The following GRIK2 variants were observed in gnomAD, a reference collection of about 807,000 sequenced individuals.
GRIK2 encodes the protein glutamate receptor ionotropic, kainate 2.
In GRIK2, 32 loss-of-function variants were observed where a neutral mutation model predicts 100.3. The observed-to-expected ratio is 0.32, with a 90% CI of 0.24 to 0.43. The LOEUF (loss-of-function observed/expected upper bound fraction) is 0.43. GRIK2 is among the 20% of genes least tolerant of loss of function. The probability of loss-of-function intolerance (pLI) is 1.00; values close to 1 mark genes in which losing one functional copy is unlikely to be tolerated. For synonymous variants in GRIK2, 417 were observed against 389.4 expected, an observed-to-expected ratio of 1.07 and a Z score of -0.83; for missense variants, 843 against 1,114.9, an observed-to-expected ratio of 0.76 and a Z score of 3.47.
chr6:101,574,122 T>C (rs1373927904), intron 2 of GRIK2, among the ~76,000 whole-genome samples: 3 of 151,114 alleles, frequency 2.0e-5, no homozygotes, highest in Admixed American at 6.6e-5. Flanking sequence ...TCATGATACA[T>C]AAAATGGAAG....
At chr6:101,676,595 C>G (rs772331961) in intron 4 of GRIK2, 28 bp from the exon 5 acceptor site, 1 of 841,730 alleles carries the variant, frequency 1.2e-6, no homozygotes, top group East Asian at 4.7e-5. Context: ...CTCTAATATT[C>G]TTTTTTTTTT....
intron 7 of GRIK2, among the ~76,000 whole-genome samples, chr6:101,713,811 T>C (rs1342967811): frequency 6.6e-6 from 1 of 151,788 alleles, no homozygotes; most frequent in Non-Finnish European, 1.5e-5. Context: ...CATATCTCTA[T>C]ACTGAAGCAA....
chr6:101,505,191 C>G lies in GRIK2; in HGVS notation c.115+105799C>G, dbSNP rs542556447. Among the ~76,000 whole-genome samples the G allele has an allele frequency of 2.6e-5, 4 of 151,894 alleles. No homozygotes were observed. In the South Asian group the frequency reaches 8.3e-4, roughly 32 times the overall value. ...TCACTCACATTGTTCAATTATCATA[C>G]ATTTCTGTTTCATTTTCTTTACCAG... is the stretch of plus-strand genomic sequence containing the variant. On this transcript the variant is annotated intron_variant, in intron 2 of 16. Coordinates refer to ENST00000369134, the MANE Select transcript of GRIK2 (RefSeq NM_021956.5).
rs181291432 is a variant in GRIK2, at chr6:101,851,835, T to C, written c.1318-7452T>C. On this transcript the variant is annotated intron_variant, in intron 10 of 16. Coordinates refer to ENST00000369134, the MANE Select transcript of GRIK2 (RefSeq NM_021956.5). ...TTATGTAATGAACTATTTACAATTT[T>C]ATATTCACATGGAGTTTGGAAATGG... is the stretch of plus-strand genomic sequence containing the variant. Among the ~76,000 whole-genome samples the C allele has an allele frequency of 2.5e-3, 379 of 151,880 alleles. 1 individual carries two copies. The highest frequency in any genetic ancestry group is 8.7e-3 in the African/African-American group (361 of 41,412).
chr6:102,065,950 AC>A (rs753056620), intron 16 of GRIK2: 10 of 1,287,068 alleles, frequency 7.8e-6, no homozygotes, highest in Non-Finnish European at 9.1e-6. Flanking sequence ...GCAACAAGAA[AC>A]ACTGTTTCCA....
rs766942576 is a variant in GRIK2, at chr6:101,924,622, T to A, written c.1770T>A (p.Tyr590Ter). 1 of 1,590,360 alleles carries A rather than the reference T, an allele frequency of 6.3e-7. No homozygotes were observed. Among genetic ancestry groups the A allele is most frequent in the Non-Finnish European group, 8.6e-7 (1 of 1,158,508 alleles). The change falls in exon 13 of 17, where the codon TAT (tyrosine) becomes TAA (stop). Residue 590 changes from tyrosine (Y) to a stop codon, truncating the protein, a stop_gained. Transcript: ENST00000369134. LOFTEE classifies it high-confidence loss of function. ...VIARFSPYEW[Y>*]NPHPCNPDSD... ...ACAGGTTTAGTCCTTATGAGTGGTA[T>A]AATCCACACCCTTGCAACCCTGACT...
chr6:101,928,743 A>T, intron 14 of GRIK2, 111 bp downstream of exon 14: 1 of 659,752 alleles, frequency 1.5e-6, no homozygotes, highest in Non-Finnish European at 2.7e-6. Context: ...CACAATTCTT[A>T]ATAATAGCAT....
rs150501742 is a variant in GRIK2, at chr6:101,725,766, T to C, written c.951+39413T>C. ...CTGGACAGAATTCAAGAGAGTATCA[T>C]TTTGTACTGGTCACTGACAGTCCAA... is the stretch of plus-strand genomic sequence containing the variant. On this transcript the variant is annotated intron_variant, in intron 7 of 16. Transcript: ENST00000369134. 5.3e-4 allele frequency among the ~76,000 whole-genome samples: 80 copies of C among 152,102 alleles called. No homozygotes were observed. In the East Asian group the frequency reaches 8.3e-3, roughly 16 times the overall value.
At chr6:101,815,067 C>G (rs1038967181) in intron 9 of GRIK2, among the ~76,000 whole-genome samples, 1 of 152,100 alleles carries the variant, frequency 6.6e-6, no homozygotes, top group Non-Finnish European at 1.5e-5. Context: ...ACCCGAGTCA[C>G]CTGATGTTAA....
chr6:101,771,688 C>G (rs1240643111), intron 7 of GRIK2, among the ~76,000 whole-genome samples: 3 of 117,248 alleles, frequency 2.6e-5, no homozygotes, highest in African/African-American at 9.6e-5. Context: ...CCCCCTCCCC[C>G]CACCCCACAA....
chr6:102,012,346 T>C (rs1795592712), intron 14 of GRIK2, among the ~76,000 whole-genome samples: 2 of 152,140 alleles, frequency 1.3e-5, no homozygotes, highest in Non-Finnish European at 2.9e-5. Flanking sequence ...TGCCTCTCCA[T>C]ATAAACTTTA....
At chr6:101,779,394 T>G (rs1778942624) in intron 7 of GRIK2, among the ~76,000 whole-genome samples, 1 of 152,218 alleles carries the variant, frequency 6.6e-6, no homozygotes, top group East Asian at 1.9e-4. Context: ...TTAAATATAT[T>G]TGCAGACATT....
intron 14 of GRIK2, among the ~76,000 whole-genome samples, chr6:102,012,893 C>T (rs1795624011): frequency 1.3e-5 from 2 of 152,044 alleles, no homozygotes; most frequent in Admixed American, 1.3e-4. Context: ...GCTCTTTTTG[C>T]TTAGGAGTGC....
intron 2 of GRIK2, among the ~76,000 whole-genome samples, chr6:101,535,153 A>G (rs933523097): frequency 2.6e-5 from 4 of 151,738 alleles, no homozygotes; most frequent in African/African-American, 9.7e-5. Flanking sequence ...GAAAAAAAAC[A>G]GAATTCTATT....
At chr6:101,475,351 T>C (rs1772172909) in intron 2 of GRIK2, among the ~76,000 whole-genome samples, 2 of 151,852 alleles carry the variant, frequency 1.3e-5, no homozygotes, top group Non-Finnish European at 2.9e-5. Flanking sequence ...TTTGTCAGAG[T>C]CCACCGAAAT....
intron 1 of GRIK2, among the ~76,000 whole-genome samples, chr6:101,394,349 TA>T (rs1195307537): frequency 9.9e-5 from 15 of 152,170 alleles, no homozygotes; most frequent in African/African-American, 3.4e-4. Context: ...GGCGTCCCAT[TA>T]GGGTAAGGAG....
chr6:101,828,913 A>G (rs534183702), intron 10 of GRIK2, among the ~76,000 whole-genome samples: 27 of 152,088 alleles, frequency 1.8e-4, no homozygotes, highest in Admixed American at 3.9e-4. Flanking sequence ...AACTCATTCT[A>G]TAAAGCAGCA....
At chr6:101,531,266 G>C in intron 2 of GRIK2, among the ~76,000 whole-genome samples, 1 of 151,788 alleles carries the variant, frequency 6.6e-6, no homozygotes. Context: ...TTCTAATATA[G>C]AATTTACAAA....
chr6:101,693,689 G>T (rs1178243855), intron 7 of GRIK2, among the ~76,000 whole-genome samples: 1 of 151,840 alleles, frequency 6.6e-6, no homozygotes, highest in African/African-American at 2.4e-5. Flanking sequence ...GTGGCAAATT[G>T]TGAGCAGATA....
Sources: allele counts gnomAD v4.1 joint callset (sites outside exome capture counted in the v4.1 genomes callset), GRCh38; gene constraint gnomAD v4.1.1; transcripts MANE v1.5; gene names NCBI Gene and HGNC (gene_info 2026-07-23, HGNC 2026-07-21).